PPP1R12B: variants seen among roughly 807,000 people sequenced by gnomAD.
PPP1R12B encodes myosin phosphatase target subunit 2.
Under a neutral mutation model 126.1 loss-of-function variants are expected in PPP1R12B, and 76 were observed. That is an observed-to-expected ratio of 0.60 (90% CI 0.50 to 0.73). PPP1R12B has a LOEUF of 0.73. Ranked by LOEUF, PPP1R12B falls within the 30% of genes least tolerant of loss-of-function variation. The pLI is 0.00. For synonymous variants in PPP1R12B, 356 were observed against 434.7 expected (o/e 0.82, Z 2.25); for missense variants, 1,052 against 1,205.1 (o/e 0.87, Z 1.88).
Position 202,567,811 on chromosome 1 carries a change from G to C in PPP1R12B, c.2791G>C (p.Val931Leu), listed in dbSNP as rs780257688. The C allele has an allele frequency of 1.2e-5, 19 of 1,613,912 alleles. No individual in the cohort carries two copies. The highest frequency in any genetic ancestry group is 1.5e-5 in the Non-Finnish European group (18 of 1,179,960). The part of the protein sequence containing the change: ...KQEKTSDRSS[V>L]LEMEKRERRA... Reference sequence around the variant, plus strand: ...AGAAAAGACCTCTGACCGATCATCAGTGCTGGAGATGGAGAAACGGGTATG... The same window carrying C: ...AGAAAAGACCTCTGACCGATCATCACTGCTGGAGATGGAGAAACGGGTATG... Residue 931 changes from valine to leucine, a missense_variant, in exon 22 of 24, where the codon GTG (valine) becomes CTG (leucine). Coordinates refer to ENST00000608999, the MANE Select transcript of PPP1R12B (RefSeq NM_002481.4).
intron 1 of PPP1R12B, among the ~76,000 whole-genome samples, chr1:202,371,001 CTT>C (rs774584500): frequency 1.1e-4 from 12 of 109,142 alleles, no homozygotes; most frequent in Admixed American, 9.7e-4. Flanking sequence ...TGCTCCACAT[CTT>C]TTTTTTTTTT....
chr1:202,382,930 T>C (rs1662573956), intron 1 of PPP1R12B, among the ~76,000 whole-genome samples: 1 of 152,072 alleles, frequency 6.6e-6, no homozygotes, highest in Non-Finnish European at 1.5e-5. Context: ...AAGAGTACTT[T>C]GTAATATTAT....
intron 23 of PPP1R12B, chr1:202,574,986 G>A: frequency 6.3e-7 from 1 of 1,591,862 alleles, no homozygotes. Context: ...TCCTTTTCAT[G>A]TCTCAATCTC....
At chr1:202,442,935 T>C (rs549122256) in intron 12 of PPP1R12B, among the ~76,000 whole-genome samples, 97 of 142,666 alleles carry the variant, frequency 6.8e-4, no homozygotes, top group African/African-American at 2.3e-3. Flanking sequence ...TCCCATGTGC[T>C]ATTTTTGGGG....
In PPP1R12B at chr1:202,508,323, T is replaced by A. The variant is rs1407986351; in HGVS notation, c.2490+11501T>A. Among the ~76,000 whole-genome samples the A allele has an allele frequency of 6.6e-6, 1 of 152,240 alleles. No homozygotes were observed. The highest frequency in any genetic ancestry group is 2.4e-5 in the African/African-American group (1 of 41,470). On this transcript the variant is annotated intron_variant, in intron 18 of 23. Transcript: ENST00000608999. This position sits in a 1 kb window ranked among gnomAD's most constrained non-coding sequence, Gnocchi z 4.5. ...TAGAATATGTACTTTTAAGAAACTC[T>A]TAACTTTTTTATAGTTTAAATTTTT...
At position 202,588,833 on chromosome 1, in the gene PPP1R12B, A is replaced by AGATAGATAGATAGATAGAT. The variant is rs1689980443; in HGVS notation, c.*8274_*8292dup. On this transcript the variant is annotated 3_prime_UTR_variant, in exon 24 of 24. Transcript: ENST00000608999. ...CGTTCAAAAGAACCGTAAGATAGATAGATAGATAGATAGATAGATAGATAG... is the reference window on the plus strand; with the variant it reads ...CGTTCAAAAGAACCGTAAGATAGATAGATAGATAGATAGATAGATGATAGATAGATAGATAGATAGATAG... 1 of 129,268 alleles carries AGATAGATAGATAGATAGAT rather than the reference A, an allele frequency of 7.7e-6. No individual in the cohort carries two copies. The highest frequency in any genetic ancestry group is 1.6e-5 in the Non-Finnish European group (1 of 63,088). 8.0% of individuals were successfully genotyped at this position (129,268 alleles called of 1,614,324 possible). A position where few individuals can be genotyped will look rare whatever the true frequency, so the allele number is the denominator to read the frequency against.
chr1:202,527,728 T>C (rs1178381104), intron 18 of PPP1R12B, among the ~76,000 whole-genome samples: 1 of 151,962 alleles, frequency 6.6e-6, no homozygotes, highest in African/African-American at 2.4e-5. Flanking sequence ...CTAGAGTAAT[T>C]TGGGGGATGA....
intron 1 of PPP1R12B, among the ~76,000 whole-genome samples, chr1:202,391,203 T>G (rs1314298783): frequency 1.3e-5 from 2 of 152,064 alleles, no homozygotes; most frequent in Non-Finnish European, 1.5e-5. Flanking sequence ...AATATCTCAA[T>G]TAAAAAATGG....
intron 9 of PPP1R12B, among the ~76,000 whole-genome samples, chr1:202,436,775 A>G (rs1449642092): frequency 6.6e-6 from 1 of 152,196 alleles, no homozygotes; most frequent in East Asian, 1.9e-4. Flanking sequence ...AAAAGAAAAC[A>G]TCTTTCAGAA....
At chr1:202,519,843 A>G (rs1682584465) in intron 18 of PPP1R12B, among the ~76,000 whole-genome samples, 1 of 152,178 alleles carries the variant, frequency 6.6e-6, no homozygotes, top group Non-Finnish European at 1.5e-5. Flanking sequence ...GTTTGTAGAA[A>G]AGAACTCTTA....
At chr1:202,439,120 G>A in intron 10 of PPP1R12B, 1 of 1,572,130 alleles carries the variant, frequency 6.4e-7, no homozygotes, top group Non-Finnish European at 8.8e-7. Context: ...CGTTCGAGGA[G>A]GAGGAGCAGC....
chr1:202,514,685 CTT>C (rs985907757), intron 18 of PPP1R12B, among the ~76,000 whole-genome samples: 6 of 152,146 alleles, frequency 3.9e-5, no homozygotes, highest in Non-Finnish European at 8.8e-5. Flanking sequence ...AATAGGAAGT[CTT>C]TTCCCCATTG....
intron 14 of PPP1R12B, among the ~76,000 whole-genome samples, chr1:202,492,644 G>A (rs1455166930): frequency 1.3e-5 from 2 of 152,134 alleles, no homozygotes; most frequent in Non-Finnish European, 2.9e-5. Flanking sequence ...GTTTTAAGAG[G>A]TTATGTTGTT....
chr1:202,467,376 C>T (rs1675168428), intron 13 of PPP1R12B, among the ~76,000 whole-genome samples: 1 of 151,536 alleles, frequency 6.6e-6, no homozygotes, highest in African/African-American at 2.4e-5. Flanking sequence ...CCTCCCCGCT[C>T]CCCCCACCCC....
chr1:202,414,386 G>A (rs966409561), intron 1 of PPP1R12B, among the ~76,000 whole-genome samples: 16 of 152,218 alleles, frequency 1.1e-4, no homozygotes, highest in African/African-American at 3.4e-4. Context: ...TTTACTTCAT[G>A]TGTGATTTTC....
chr1:202,451,803 C>T (rs1392819812), intron 13 of PPP1R12B, among the ~76,000 whole-genome samples: 2 of 150,024 alleles, frequency 1.3e-5, no homozygotes, highest in African/African-American at 4.9e-5. Context: ...TGGGGGCTGA[C>T]CCCCCACCTC....
At position 202,348,741 on chromosome 1, in the gene PPP1R12B, T is replaced by C; in HGVS notation, c.-111T>C. On this transcript the variant is annotated 5_prime_UTR_variant, in exon 1 of 24. Transcript: ENST00000608999. Reference sequence around the variant, plus strand: ...GAGTAAAGATGGCGGCGCGAGGGTCTCCGCCCTCTGCTCCGGGCTGAAGCG... The same window carrying C: ...GAGTAAAGATGGCGGCGCGAGGGTCCCCGCCCTCTGCTCCGGGCTGAAGCG... The C allele has an allele frequency of 7.3e-7, 1 of 1,367,464 alleles. No homozygotes were observed. Among genetic ancestry groups the C allele is most frequent in the Non-Finnish European group, 9.7e-7 (1 of 1,026,150 alleles). The allele number at this position is 1,367,464 out of a possible 1,614,324, so 84.7% of individuals were successfully genotyped here.
chr1:202,522,879 C>G (rs1682919843), intron 18 of PPP1R12B, among the ~76,000 whole-genome samples: 1 of 152,112 alleles, frequency 6.6e-6, no homozygotes, highest in Non-Finnish European at 1.5e-5. Flanking sequence ...ACTCTAGATA[C>G]TGAAAATATA....
chr1:202,352,780 G>A (rs768505142), intron 1 of PPP1R12B, among the ~76,000 whole-genome samples: 2 of 151,996 alleles, frequency 1.3e-5, no homozygotes, highest in Admixed American at 6.6e-5. Flanking sequence ...CCAGTTACTC[G>A]GGGAGGCTGA....
Sources: allele counts gnomAD v4.1 joint callset (sites outside exome capture counted in the v4.1 genomes callset), GRCh38; gene constraint gnomAD v4.1.1; non-coding constraint Gnocchi (gnomAD v3.1); transcripts MANE v1.5; gene names NCBI Gene and HGNC (gene_info 2026-07-23, HGNC 2026-07-21).